The following MTFR1 variants were observed in gnomAD, a reference collection of about 807,000 sequenced individuals.
MTFR1 encodes the protein chondrocyte protein with a poly-proline region.
In MTFR1, 28 loss-of-function variants were observed where a neutral mutation model predicts 38.8. The observed-to-expected ratio is 0.72, with a 90% CI of 0.53 to 0.99. The LOEUF (loss-of-function observed/expected upper bound fraction) is 0.99, where lower values mean the gene tolerates loss of function less well. Ranked by LOEUF, MTFR1 falls within the 50% of genes least tolerant of loss-of-function variation. The pLI is 0.00. For missense variants in MTFR1, 358 were observed against 395.5 expected, an observed-to-expected ratio of 0.91 and a Z score of 0.81; for synonymous variants, 145 against 137.0, an observed-to-expected ratio of 1.06 and a Z score of -0.41.
intron 2 of MTFR1, among the ~76,000 whole-genome samples, chr8:65,672,673 G>A (rs1804596976): frequency 6.6e-6 from 1 of 152,122 alleles, no homozygotes; most frequent in African/African-American, 2.4e-5. Flanking sequence ...ATCACACCAG[G>A]CTAATTTTTT....
In MTFR1 at chr8:65,707,950, A is replaced by G; in HGVS notation, c.872A>G (p.Gln291Arg). 1 of 1,614,060 alleles carries G rather than the reference A, an allele frequency of 6.2e-7. No individual in the cohort carries two copies. Among genetic ancestry groups the G allele is most frequent in the South Asian group, 1.1e-5 (1 of 91,088 alleles). Reference sequence around the variant, plus strand: ...GCTTATCGGTATCGAAGTGATAGCCAAGATGAAGTTGAAAAAGGAATTCCA... The same window carrying G: ...GCTTATCGGTATCGAAGTGATAGCCGAGATGAAGTTGAAAAAGGAATTCCA... The part of the protein sequence containing the change: ...KFAYRYRSDS[Q>R]DEVEKGIPKS... The change falls in exon 7 of 8, where the codon CAA (glutamine) becomes CGA (arginine). Residue 291 changes from glutamine to arginine, a missense_variant. Coordinates refer to ENST00000262146, the MANE Select transcript of MTFR1 (RefSeq NM_014637.4).
intron 3 of MTFR1, among the ~76,000 whole-genome samples, chr8:65,743,950 A>G (rs1291685391): frequency 6.6e-6 from 1 of 151,930 alleles, no homozygotes; most frequent in East Asian, 1.9e-4. Context: ...CTCCTGCCTC[A>G]GCCTCCCATG....
chr8:65,689,661 C>A, intron 3 of MTFR1: 1 of 1,138,682 alleles, frequency 8.8e-7, no homozygotes, highest in East Asian at 5.9e-5. Flanking sequence ...ATCGTATTTC[C>A]AAGAATTTCT....
intron 3 of MTFR1, chr8:65,747,862 T>C (rs926982924): frequency 2.9e-6 from 3 of 1,033,456 alleles, no homozygotes; most frequent in Admixed American, 2.3e-5. Flanking sequence ...CATGCTATCT[T>C]TGCAATACCA....
At chr8:65,690,086 G>T (rs1426728137) in intron 3 of MTFR1, among the ~76,000 whole-genome samples, 2 of 151,922 alleles carry the variant, frequency 1.3e-5, no homozygotes, top group Non-Finnish European at 2.9e-5. Flanking sequence ...TAAAGTTTGT[G>T]CAAAAGCTGG....
chr8:65,754,873 G>C (rs1808148304), intron 3 of MTFR1, among the ~76,000 whole-genome samples: 1 of 149,574 alleles, frequency 6.7e-6, no homozygotes, highest in Admixed American at 6.6e-5. Context: ...GCTGAGGCAG[G>C]AGAATCGCCT....
At chr8:65,736,790 G>GGT (rs1554557020) in intron 3 of MTFR1, among the ~76,000 whole-genome samples, 4 of 128,818 alleles carry the variant, frequency 3.1e-5, no homozygotes, top group Non-Finnish European at 4.8e-5. Flanking sequence ...AAATTTATCT[G>GGT]TTTTTTTTTT....
At chr8:65,716,753 ACT>A (rs930566564) in intron 2 of MTFR1, among the ~76,000 whole-genome samples, 6 of 152,182 alleles carry the variant, frequency 3.9e-5, no homozygotes, top group Admixed American at 2.0e-4. Context: ...TGATAGTTCC[ACT>A]CTCTATGTAC....
At chr8:65,726,243 C>G (rs768621196) in intron 3 of MTFR1, among the ~76,000 whole-genome samples, 1 of 152,196 alleles carries the variant, frequency 6.6e-6, no homozygotes, top group Non-Finnish European at 1.5e-5. Flanking sequence ...CACACTATGG[C>G]AATGACGTGA....
At chr8:65,691,190 A>T (rs1173621989) in intron 3 of MTFR1, among the ~76,000 whole-genome samples, 1 of 152,194 alleles carries the variant, frequency 6.6e-6, no homozygotes, top group Non-Finnish European at 1.5e-5. Context: ...TCTGACTACA[A>T]ATTACTTCCA....
In MTFR1 at chr8:65,693,730, A is replaced by G; in HGVS notation, c.252A>G (p.Lys84=). The change falls in exon 4 of 8, where the codon AAA becomes AAG. Residue 84 remains lysine (K), a synonymous_variant. Transcript: ENST00000262146. ...ASFADVGWVA[K]EEGECSARLR... ...TTGCTGATGTTGGATGGGTAGCCAA[A>G]GAAGAAGGAGAGTGTTCAGCAAGAC... The G allele has an allele frequency of 6.2e-7, 1 of 1,614,156 alleles. No individual in the cohort carries two copies. The highest frequency in any genetic ancestry group is 1.1e-5 in the South Asian group (1 of 91,070).
chr8:65,714,503 A>C (rs1278780909), downstream of MTFR1: 3 of 152,058 alleles, frequency 2.0e-5, no homozygotes, highest in Non-Finnish European at 4.4e-5. Flanking sequence ...TCCAGATGAC[A>C]CAAGTCATTA....
downstream of MTFR1, among the ~76,000 whole-genome samples, chr8:65,713,481 C>A (rs1033171548): frequency 1.5e-5 from 2 of 129,690 alleles, no homozygotes; most frequent in African/African-American, 5.5e-5. Context: ...CACACACACA[C>A]ACAAACAAAA....
intron 4 of MTFR1, among the ~76,000 whole-genome samples, chr8:65,694,034 C>T (rs934919085): frequency 6.7e-6 from 1 of 150,016 alleles, no homozygotes; most frequent in African/African-American, 2.5e-5. Flanking sequence ...TCCCAAGTAG[C>T]TGGGATCACA....
intron 5 of MTFR1, 55 bp from the exon 6 acceptor site, chr8:65,706,955 T>C: frequency 6.6e-7 from 1 of 1,516,070 alleles, no homozygotes; most frequent in East Asian, 2.3e-5. Flanking sequence ...TAAAAACTGA[T>C]ATTTTCTTTG....
chr8:65,690,792 C>G (rs1215008750), intron 3 of MTFR1, among the ~76,000 whole-genome samples: 1 of 152,118 alleles, frequency 6.6e-6, no homozygotes, highest in Admixed American at 6.6e-5. Context: ...TAGGAAGGCA[C>G]CATTCAGATT....
chr8:65,689,011 G>T (rs907841077), intron 3 of MTFR1, among the ~76,000 whole-genome samples: 23 of 151,976 alleles, frequency 1.5e-4, no homozygotes, highest in Non-Finnish European at 3.1e-4. Context: ...CAGGCATGGT[G>T]GTGGGTGCCT....
intron 3 of MTFR1, among the ~76,000 whole-genome samples, chr8:65,765,027 C>T (rs1016581841): frequency 6.6e-6 from 1 of 152,124 alleles, no homozygotes; most frequent in Non-Finnish European, 1.5e-5. Context: ...TAAAAATATA[C>T]TCAGTCTCTA....
intron 2 of MTFR1, among the ~76,000 whole-genome samples, chr8:65,716,046 C>T (rs1585812856): frequency 7.6e-6 from 1 of 131,576 alleles, no homozygotes; most frequent in South Asian, 2.7e-4. Context: ...GGTGTGGTGG[C>T]ACTCAGGAGG....
Sources: gnomAD v4.1 joint callset for allele counts (sites outside exome capture counted in the v4.1 genomes callset) on GRCh38, gnomAD v4.1.1 for gene constraint, MANE v1.5 for transcripts, NCBI Gene and HGNC (gene_info 2026-07-23, HGNC 2026-07-21) for gene names.